Variants in IQGAP2 observed in about 807,000 individuals in gnomAD.
IQGAP2 encodes IQ motif containing GTPase activating protein 2, also known as ras GTPase-activating-like protein IQGAP2.
Under a neutral mutation model 201.3 loss-of-function variants are expected in IQGAP2, and 173 were observed. The observed-to-expected ratio is 0.86, with a 90% CI of 0.76 to 0.98. The LOEUF is 0.98. IQGAP2 is among the 50% of genes least tolerant of loss of function. The pLI is 0.00. For synonymous variants in IQGAP2, 675 were observed against 673.9 expected (o/e 1.00, Z -0.03); for missense variants, 1,687 against 1,864.8 (o/e 0.90, Z 1.76).
In IQGAP2 at chr5:76,682,968, G is replaced by A. The variant is rs927269569; in HGVS notation, c.3661-147G>A. ...TTCCCTCTGAGATACAATAAAAACT[G>A]TATCTATGTCTCTAATTTTTATAAA... On this transcript the variant is annotated intron_variant, in intron 28 of 35. Coordinates refer to ENST00000274364, the MANE Select transcript of IQGAP2 (RefSeq NM_006633.5). 6.2e-6 allele frequency: 3 copies of A among 485,130 alleles called. No homozygotes were observed. In the Admixed American group the frequency reaches 1.2e-4, roughly 19 times the overall value. The allele number at this position is 485,130 out of a possible 1,614,324, so 30.1% of individuals were successfully genotyped here. A position where few individuals can be genotyped will look rare whatever the true frequency, so the allele number is the denominator to read the frequency against.
At chr5:76,610,050 TTC>T (rs71604297) in intron 12 of IQGAP2, among the ~76,000 whole-genome samples, 9 of 19,066 alleles carry the variant, frequency 4.7e-4, no homozygotes, top group South Asian at 6.1e-3. Context: ...TGTTCTCTCT[TTC>T]TCTCTCTCTC....
In IQGAP2 at chr5:76,671,819, C is replaced by T. The variant is rs1008376066; in HGVS notation, c.2904C>T (p.Val968=). 5.6e-6 allele frequency: 9 copies of T among 1,613,664 alleles called. No individual in the cohort carries two copies. The highest frequency in any genetic ancestry group is 1.3e-5 in the African/African-American group (1 of 74,790). Reference sequence around the variant, plus strand: ...GTAACCCTACAGTCATCAAGATGGTCGTCAGCTTCAATAGAGGTGCCCGGG... The same window carrying T: ...GTAACCCTACAGTCATCAAGATGGTTGTCAGCTTCAATAGAGGTGCCCGGG... ...VTGNPTVIKM[V]VSFNRGARGQ... Residue 968 remains valine (V), a synonymous_variant, in exon 24 of 36, where the codon GTC becomes GTT. Transcript: ENST00000274364.
At chr5:76,598,396 A>G (rs1747185872) in intron 10 of IQGAP2, among the ~76,000 whole-genome samples, 1 of 152,222 alleles carries the variant, frequency 6.6e-6, no homozygotes, top group South Asian at 2.1e-4. Flanking sequence ...TTATCCACAC[A>G]CAATAAAGAG....
chr5:76,409,436 G>T (rs1015466979), intron 1 of IQGAP2, among the ~76,000 whole-genome samples: 1 of 151,036 alleles, frequency 6.6e-6, no homozygotes, highest in Non-Finnish European at 1.5e-5. Context: ...TGGTAGAGAT[G>T]GGGTTTCATC....
intron 33 of IQGAP2, among the ~76,000 whole-genome samples, chr5:76,699,903 TTC>T (rs1186832045): frequency 0.025 from 178 of 7,080 alleles, 32 homozygotes; most frequent in African/African-American, 0.031. Context: ...TTCTTTCTGT[TTC>T]TCTCTCTCTC....
chr5:76,668,735 A>T lies in IQGAP2; in HGVS notation c.2734A>T (p.Thr912Ser). The T allele has an allele frequency of 2.5e-6, 4 of 1,612,204 alleles. No homozygotes were observed. The highest frequency in any genetic ancestry group is 3.4e-6 in the Non-Finnish European group (4 of 1,178,980). Residue 912 changes from threonine to serine, a missense_variant, in exon 23 of 36, where the codon ACT (threonine) becomes TCT (serine). By Grantham distance (58) the Thr-to-Ser change is moderately conservative. Coordinates refer to ENST00000274364, the MANE Select transcript of IQGAP2 (RefSeq NM_006633.5). The stretch of plus-strand genomic sequence containing the variant: ...TTTCCAGATGCCACAGAACAAGTCC[A>T]CTAAATTTATGGATACTGTTATTTT... The part of the protein sequence containing the change: ...LIFQMPQNKS[T>S]KFMDTVIFTL...
intron 1 of IQGAP2, among the ~76,000 whole-genome samples, chr5:76,417,203 G>A (rs1437134980): frequency 6.6e-6 from 1 of 152,166 alleles, no homozygotes; most frequent in African/African-American, 2.4e-5. Flanking sequence ...CTTTGGTGAA[G>A]TCTTATTAGT....
chr5:76,558,912 TC>T (rs2150248252), intron 2 of IQGAP2, among the ~76,000 whole-genome samples: 1 of 152,130 alleles, frequency 6.6e-6, no homozygotes, highest in South Asian at 2.1e-4. Context: ...TTTTTTTTTT[TC>T]TTTTTGAGAC....
chr5:76,555,186 C>T (rs767166958), intron 2 of IQGAP2, among the ~76,000 whole-genome samples: 2 of 151,976 alleles, frequency 1.3e-5, no homozygotes, highest in East Asian at 1.9e-4. Context: ...GTTTCTTTTT[C>T]GGTGTAAGGA....
chr5:76,456,178 AT>A (rs1290003863), intron 1 of IQGAP2, among the ~76,000 whole-genome samples: 1 of 152,150 alleles, frequency 6.6e-6, no homozygotes, highest in African/African-American at 2.4e-5. Context: ...ATAGAAATGG[AT>A]GAGACTCGAG....
At chr5:76,604,208 A>C (rs1747635931) in intron 11 of IQGAP2, among the ~76,000 whole-genome samples, 1 of 151,716 alleles carries the variant, frequency 6.6e-6, no homozygotes, top group South Asian at 2.1e-4. Context: ...TTCAACTCCT[A>C]CTTATGAGTG....
chr5:76,542,378 G>A (rs1362892846), intron 2 of IQGAP2, among the ~76,000 whole-genome samples: 1 of 152,216 alleles, frequency 6.6e-6, no homozygotes, highest in Non-Finnish European at 1.5e-5. Context: ...ATTTCCACAA[G>A]TAGCTGTGAG....
At chr5:76,657,691 A>C (rs1484188854) in intron 20 of IQGAP2, among the ~76,000 whole-genome samples, 1 of 152,180 alleles carries the variant, frequency 6.6e-6, no homozygotes, top group Non-Finnish European at 1.5e-5. Context: ...GATCTCCCTA[A>C]GCATGTTAAA....
intron 2 of IQGAP2, among the ~76,000 whole-genome samples, chr5:76,520,560 T>G (rs759794556): frequency 4.6e-5 from 7 of 152,246 alleles, no homozygotes; most frequent in Non-Finnish European, 8.8e-5. Context: ...TTTTCATGTA[T>G]AAAGTTTATT....
intron 20 of IQGAP2, among the ~76,000 whole-genome samples, chr5:76,658,156 T>C (rs1742919423): frequency 6.6e-6 from 1 of 152,172 alleles, no homozygotes; most frequent in Non-Finnish European, 1.5e-5. Flanking sequence ...GAGGCACAGA[T>C]AGGACTATCT....
intron 2 of IQGAP2, among the ~76,000 whole-genome samples, chr5:76,500,331 A>AT (rs1327260929): frequency 1.3e-5 from 2 of 152,248 alleles, no homozygotes; most frequent in Non-Finnish European, 2.9e-5. Flanking sequence ...TGTTCTTCCC[A>AT]TAGCTAGACT....
At chr5:76,613,676 G>A (rs979633912) in intron 13 of IQGAP2, among the ~76,000 whole-genome samples, 4 of 152,054 alleles carry the variant, frequency 2.6e-5, no homozygotes, top group African/African-American at 9.7e-5. Context: ...CAAGTAAGGG[G>A]CGAGTGATGT....
chr5:76,441,517 G>A (rs1049126154), intron 1 of IQGAP2: 5 of 985,172 alleles, frequency 5.1e-6, no homozygotes, highest in Non-Finnish European at 6.0e-6. Context: ...GAGCATGTTG[G>A]TAAGAGAAGG....
intron 1 of IQGAP2, among the ~76,000 whole-genome samples, chr5:76,432,128 C>CTTTTT (rs70982606): frequency 1.0e-5 from 1 of 95,322 alleles, no homozygotes; most frequent in Admixed American, 1.5e-4. Flanking sequence ...TTTCTTTCTT[C>CTTTTT]TTTTTTTTTT....
Sources: allele counts gnomAD v4.1 joint callset (sites outside exome capture counted in the v4.1 genomes callset), GRCh38; gene constraint gnomAD v4.1.1; transcripts MANE v1.5; gene names NCBI Gene and HGNC (gene_info 2026-07-23, HGNC 2026-07-21).